Variants in GABRG3 observed in about 807,000 individuals in gnomAD.
The protein encoded by GABRG3 is gamma-aminobutyric acid receptor subunit gamma-3.
A neutral mutation model predicts 48.8 loss-of-function variants in GABRG3; 25 were observed. The observed-to-expected ratio is 0.51, with a 90% confidence interval of 0.37 to 0.72. The LOEUF is 0.72. Ranked by LOEUF, GABRG3 falls within the 30% of genes least tolerant of loss-of-function variation. The pLI is 0.00. For synonymous variants in GABRG3, 227 were observed against 217.6 expected (o/e 1.04, Z -0.38); for missense variants, 394 against 577.9 (o/e 0.68, Z 3.26).
intron 5 of GABRG3, among the ~76,000 whole-genome samples, chr15:27,384,111 G>A (rs942610339): frequency 1.3e-5 from 2 of 152,186 alleles, no homozygotes; most frequent in African/African-American, 4.8e-5. Flanking sequence ...TTACTCAATA[G>A]AAATGCAAAC....
intron 3 of GABRG3, among the ~76,000 whole-genome samples, chr15:27,229,355 T>G (rs1235289810): frequency 2.6e-5 from 4 of 152,190 alleles, no homozygotes; most frequent in Admixed American, 6.5e-5. Context: ...CATGGCTTGT[T>G]TTTTTCAGCT....
intron 3 of GABRG3, among the ~76,000 whole-genome samples, chr15:27,308,314 A>G (rs1419728120): frequency 1.4e-5 from 2 of 143,478 alleles, no homozygotes; most frequent in Admixed American, 1.4e-4. Flanking sequence ...ATAAACATAT[A>G]TAAACATACG....
chr15:26,981,461 G>A (rs1895052909), intron 2 of GABRG3, among the ~76,000 whole-genome samples: 1 of 152,214 alleles, frequency 6.6e-6, no homozygotes, highest in Non-Finnish European at 1.5e-5. Context: ...GTCTTGAAAA[G>A]AGTATGTATC....
chr15:27,369,015 T>C (rs986986491), intron 5 of GABRG3, among the ~76,000 whole-genome samples: 7 of 152,222 alleles, frequency 4.6e-5, no homozygotes, highest in African/African-American at 9.6e-5. Flanking sequence ...TTCTCCTTCA[T>C]TGTTTTGAAA....
At chr15:27,278,558 G>A (rs1234318236) in intron 3 of GABRG3, among the ~76,000 whole-genome samples, 5 of 152,172 alleles carry the variant, frequency 3.3e-5, no homozygotes, top group Admixed American at 2.0e-4. Context: ...ATTAGGTATT[G>A]CTCTGAGATT....
intron 2 of GABRG3, among the ~76,000 whole-genome samples, chr15:27,015,390 T>C (rs1007193573): frequency 6.9e-4 from 103 of 148,452 alleles, no homozygotes; most frequent in African/African-American, 2.4e-3. Flanking sequence ...TTGATTTTTT[T>C]TTTTTTTTTT....
At chr15:27,459,358 A>C (rs973175060) in intron 5 of GABRG3, among the ~76,000 whole-genome samples, 5 of 152,204 alleles carry the variant, frequency 3.3e-5, no homozygotes, top group Non-Finnish European at 5.9e-5. Context: ...GTTTTCCAAA[A>C]GGAAAGAAAA....
intron 9 of GABRG3, among the ~76,000 whole-genome samples, chr15:27,529,239 C>T (rs1891356754): frequency 6.6e-6 from 1 of 152,138 alleles, no homozygotes; most frequent in Non-Finnish European, 1.5e-5. Context: ...AATTTAAAAA[C>T]AAATTTGTTA....
At chr15:27,229,570 G>A (rs779518305) in intron 3 of GABRG3, among the ~76,000 whole-genome samples, 2 of 152,010 alleles carry the variant, frequency 1.3e-5, no homozygotes, top group East Asian at 1.9e-4. Context: ...TCTACCTCCC[G>A]GGTTCAAGCA....
chr15:27,417,416 C>G (rs921475696), intron 5 of GABRG3, among the ~76,000 whole-genome samples: 4 of 152,182 alleles, frequency 2.6e-5, no homozygotes, highest in Non-Finnish European at 5.9e-5. Flanking sequence ...TCCTTCTACC[C>G]CTGTTGGTGT....
chr15:27,051,103 G>T (rs1348823386), intron 3 of GABRG3, among the ~76,000 whole-genome samples: 2 of 152,290 alleles, frequency 1.3e-5, no homozygotes, highest in East Asian at 3.9e-4. Flanking sequence ...TTTATTAGAT[G>T]ACCATAGTGC....
chr15:27,218,317 A>G (rs570366479), intron 3 of GABRG3, among the ~76,000 whole-genome samples: 63 of 152,320 alleles, frequency 4.1e-4, no homozygotes, highest in African/African-American at 1.3e-3. Context: ...GTTCTGTCTT[A>G]TTCGTGGCAG....
intron 5 of GABRG3, among the ~76,000 whole-genome samples, chr15:27,356,096 A>G (rs1485809494): frequency 6.6e-6 from 1 of 152,206 alleles, no homozygotes; most frequent in Non-Finnish European, 1.5e-5. Context: ...TATGTGAATT[A>G]CAGCTCAATA....
intron 3 of GABRG3, among the ~76,000 whole-genome samples, chr15:27,253,974 T>C (rs1021547675): frequency 2.0e-5 from 3 of 152,240 alleles, no homozygotes; most frequent in Non-Finnish European, 2.9e-5. Flanking sequence ...CGCTTTCCAA[T>C]TGACATTTCT....
At chr15:27,108,177 A>T (rs964528117) in intron 3 of GABRG3, among the ~76,000 whole-genome samples, 3 of 152,034 alleles carry the variant, frequency 2.0e-5, no homozygotes, top group African/African-American at 7.2e-5. Context: ...CTTTTCTAAT[A>T]CATTTGTTTA....
At chr15:27,503,196 G>T (rs1566870259) in intron 6 of GABRG3, among the ~76,000 whole-genome samples, 1 of 152,164 alleles carries the variant, frequency 6.6e-6, no homozygotes, top group Non-Finnish European at 1.5e-5. Flanking sequence ...CACAAAACAG[G>T]CATCACCTGG....
At chr15:27,270,639 A>G (rs1428028224) in intron 3 of GABRG3, among the ~76,000 whole-genome samples, 2 of 152,164 alleles carry the variant, frequency 1.3e-5, no homozygotes, top group Admixed American at 6.5e-5. Context: ...TTACAGTTAG[A>G]AGGAATAAGT....
chr15:27,312,820 A>G (rs371726132), intron 3 of GABRG3, among the ~76,000 whole-genome samples: 1 of 152,144 alleles, frequency 6.6e-6, no homozygotes, highest in Admixed American at 6.5e-5. Flanking sequence ...ACATTATAAC[A>G]TAAGAAAATA....
chr15:27,067,973 G>C (rs1208202218), intron 3 of GABRG3, among the ~76,000 whole-genome samples: 4 of 152,190 alleles, frequency 2.6e-5, no homozygotes, highest in East Asian at 1.9e-4. Context: ...AGTAGAGAAG[G>C]CTTAGCTAGT....
Sources: gnomAD v4.1 joint callset for allele counts (sites outside exome capture counted in the v4.1 genomes callset) on GRCh38, gnomAD v4.1.1 for gene constraint, MANE v1.5 for transcripts, NCBI Gene and HGNC (gene_info 2026-07-23, HGNC 2026-07-21) for gene names.